SNTG1: variants seen among roughly 807,000 people sequenced by gnomAD.
SNTG1 encodes gamma-1-syntrophin.
A neutral mutation model predicts 74.7 loss-of-function variants in SNTG1; 39 were observed. The observed-to-expected ratio is 0.52, with a 90% CI of 0.40 to 0.68. The LOEUF (loss-of-function observed/expected upper bound fraction) is 0.68, where lower values mean the gene tolerates loss of function less well. Among genes scored for constraint, SNTG1 ranks in the 30% least tolerant of loss-of-function variants. The pLI, the probability that SNTG1 is intolerant of heterozygous loss-of-function variation, is 0.00. For synonymous variants in SNTG1, 254 were observed against 217.1 expected (o/e 1.17, Z -1.49); for missense variants, 685 against 609.5 (o/e 1.12, Z -1.30).
intron 15 of SNTG1, among the ~76,000 whole-genome samples, chr8:50,673,089 A>G (rs1056719857): frequency 1.3e-5 from 2 of 152,156 alleles, no homozygotes; most frequent in African/African-American, 4.8e-5. Context: ...GCCTTGTAGT[A>G]TAGTTTGAAG....
chr8:49,994,193 T>G (rs761307063), intron 1 of SNTG1, among the ~76,000 whole-genome samples: 6 of 152,010 alleles, frequency 3.9e-5, no homozygotes, highest in Admixed American at 1.3e-4. Context: ...AAAAAATAAA[T>G]TCTTCTTTCC....
chr8:50,558,541 C>T (rs2094469493), intron 12 of SNTG1, among the ~76,000 whole-genome samples: 1 of 151,990 alleles, frequency 6.6e-6, no homozygotes, highest in African/African-American at 2.4e-5. Flanking sequence ...AAAGTTCTTG[C>T]TATTATTTAT....
intron 4 of SNTG1, among the ~76,000 whole-genome samples, chr8:50,406,214 T>G (rs1029212341): frequency 1.3e-5 from 2 of 152,258 alleles, no homozygotes; most frequent in Middle Eastern, 6.8e-3. Flanking sequence ...GTACTTTGAG[T>G]TCTTTTAGCA....
At chr8:50,357,792 A>G (rs539119761) in intron 2 of SNTG1, among the ~76,000 whole-genome samples, 1 of 152,320 alleles carries the variant, frequency 6.6e-6, no homozygotes, top group South Asian at 2.1e-4. Flanking sequence ...GTGTTACTTT[A>G]CAAATGATGA....
intron 17 of SNTG1, among the ~76,000 whole-genome samples, chr8:50,724,815 T>C (rs988443152): frequency 1.3e-5 from 2 of 152,144 alleles, no homozygotes; most frequent in African/African-American, 4.8e-5. Context: ...ACATAACCAA[T>C]GTTAAAGGTT....
chr8:50,332,474 A>G (rs2091004268), intron 2 of SNTG1, among the ~76,000 whole-genome samples: 1 of 152,080 alleles, frequency 6.6e-6, no homozygotes, highest in African/African-American at 2.4e-5. Flanking sequence ...TTTTATAATT[A>G]ATACTAAAAT....
At chr8:50,136,289 C>A (rs2081474164) in intron 1 of SNTG1, among the ~76,000 whole-genome samples, 1 of 151,954 alleles carries the variant, frequency 6.6e-6, no homozygotes, top group African/African-American at 2.4e-5. Flanking sequence ...GAATGCTGGG[C>A]CAAATGGTAG....
At chr8:50,518,285 T>C (rs2094150800) in intron 9 of SNTG1, among the ~76,000 whole-genome samples, 1 of 152,180 alleles carries the variant, frequency 6.6e-6, no homozygotes, top group Non-Finnish European at 1.5e-5. Flanking sequence ...TGTACCAGAA[T>C]GTCTGGGACA....
chr8:50,514,093 A>G (rs1388030933), intron 9 of SNTG1, among the ~76,000 whole-genome samples: 2 of 151,950 alleles, frequency 1.3e-5, no homozygotes, highest in African/African-American at 2.4e-5. Flanking sequence ...TTATTTGCAT[A>G]TTTTACTTTT....
chr8:50,553,393 A>G (rs1285008022), intron 12 of SNTG1, among the ~76,000 whole-genome samples: 1 of 152,188 alleles, frequency 6.6e-6, no homozygotes, highest in Non-Finnish European at 1.5e-5. Flanking sequence ...CAAGCATTAT[A>G]AACCCCTACA....
chr8:50,692,648 C>T (rs10958040), intron 15 of SNTG1, among the ~76,000 whole-genome samples: 31,273 of 152,052 alleles, frequency 0.21, 3,321 homozygotes, highest in South Asian at 0.31. Context: ...TGTGAGGTAT[C>T]GGTCCAACCC....
At chr8:50,318,952 T>C (rs560107152) in intron 2 of SNTG1, among the ~76,000 whole-genome samples, 1 of 151,936 alleles carries the variant, frequency 6.6e-6, no homozygotes, top group African/African-American at 2.4e-5. Flanking sequence ...CCTGTGTATA[T>C]ATCTACGTAT....
chr8:49,989,697 G>C (rs976658667), intron 1 of SNTG1, among the ~76,000 whole-genome samples: 1 of 151,606 alleles, frequency 6.6e-6, no homozygotes, highest in Non-Finnish European at 1.5e-5. Context: ...AAAACTCCTT[G>C]GTTAAATACT....
At chr8:50,127,238 T>C (rs2081172497) in intron 1 of SNTG1, among the ~76,000 whole-genome samples, 1 of 152,116 alleles carries the variant, frequency 6.6e-6, no homozygotes, top group South Asian at 2.1e-4. Flanking sequence ...GCCTATATGA[T>C]AGAGGCACTT....
At chr8:49,939,640 A>T (rs1808499224) in intron 1 of SNTG1, among the ~76,000 whole-genome samples, 2 of 152,152 alleles carry the variant, frequency 1.3e-5, no homozygotes, top group African/African-American at 4.8e-5. Context: ...ATGTCTTTTG[A>T]GTTGGCTCAG....
intron 17 of SNTG1, among the ~76,000 whole-genome samples, chr8:50,734,801 A>G (rs1212820217): frequency 2.3e-5 from 2 of 87,778 alleles, no homozygotes; most frequent in East Asian, 2.7e-4. Context: ...ATATGGACAT[A>G]TATATAGATA....
Position 50,443,581 on chromosome 8 carries a change from C to A in SNTG1, c.219+4982C>A, listed in dbSNP as rs188896520. 2.7e-3 allele frequency among the ~76,000 whole-genome samples: 414 copies of A among 152,144 alleles called. 3 individuals carry two copies. The highest frequency in any genetic ancestry group is 9.3e-3 in the African/African-American group (385 of 41,522). ...ATACTTCATATTTAGTTCAATTTGCCTTTATTATCCAGTGGAGTAGATAAC... is the reference window on the plus strand; with the variant it reads ...ATACTTCATATTTAGTTCAATTTGCATTTATTATCCAGTGGAGTAGATAAC... On this transcript the variant is annotated intron_variant, in intron 5 of 18. Coordinates refer to ENST00000642720, the MANE Select transcript of SNTG1 (RefSeq NM_018967.5).
At chr8:50,679,650 G>A (rs1453780494) in intron 15 of SNTG1, among the ~76,000 whole-genome samples, 1 of 151,982 alleles carries the variant, frequency 6.6e-6, no homozygotes, top group Non-Finnish European at 1.5e-5. Flanking sequence ...ATAACTTTCT[G>A]GCAATTCTGA....
At chr8:50,382,372 G>A (rs896908450) in intron 2 of SNTG1, 34 of 152,060 alleles carry the variant, frequency 2.2e-4, no homozygotes, top group Non-Finnish European at 1.0e-4. Context: ...GCACTTGTTA[G>A]TTGTGTTTAA....
Sources: gnomAD v4.1 joint callset for allele counts (sites outside exome capture counted in the v4.1 genomes callset) on GRCh38, gnomAD v4.1.1 for gene constraint, MANE v1.5 for transcripts, NCBI Gene and HGNC (gene_info 2026-07-23, HGNC 2026-07-21) for gene names.